CCDC82: variants seen among roughly 807,000 people sequenced by gnomAD.
CCDC82 encodes the protein coiled-coil domain-containing protein 82.
CCDC82 carries 47 observed loss-of-function variants against 60.6 expected under a neutral mutation model. That is an observed-to-expected ratio of 0.77 (90% CI 0.61 to 0.99). The LOEUF is 0.99. Ranked by LOEUF, CCDC82 falls within the 50% of genes least tolerant of loss-of-function variation. The pLI is 0.00. For missense variants in CCDC82, 588 were observed against 633.0 expected (o/e 0.93, Z 0.76); for synonymous variants, 212 against 207.4 (o/e 1.02, Z -0.19).
intron 6 of CCDC82, 49 bp downstream of exon 6, chr11:96,373,326 T>G: frequency 1.6e-6 from 2 of 1,215,752 alleles, no homozygotes; most frequent in Non-Finnish European, 2.4e-6. Flanking sequence ...TGTTTTAAAA[T>G]TGGAAAAAGA....
At chr11:96,389,476 G>C (rs914965311) in intron 1 of CCDC82, 1 of 152,318 alleles carries the variant, frequency 6.6e-6, no homozygotes, top group Admixed American at 6.5e-5. Flanking sequence ...GCCAAGCTTC[G>C]CGATGACGCG....
chr11:96,380,526 C>T (rs1436135558), intron 5 of CCDC82: 1 of 151,768 alleles, frequency 6.6e-6, no homozygotes, highest in African/African-American at 2.4e-5. Flanking sequence ...ATAGAAAAAC[C>T]TGCACATGAA....
Position 96,358,981 on chromosome 11 carries a change from T to C in CCDC82, c.1566+12A>G, listed in dbSNP as rs776559250. The C allele has an allele frequency of 3.1e-6, 5 of 1,592,932 alleles. No homozygotes were observed. The highest frequency in any genetic ancestry group is 1.8e-5 in the Admixed American group (1 of 55,160). ...GAATCTACATGATAAGATTCTCATA[T>C]ATTCACCTTACCTCCTTAATCCAGC... On this transcript the variant is annotated intron_variant, in intron 9 of 9. Transcript: ENST00000646818.
intron 7 of CCDC82, among the ~76,000 whole-genome samples, chr11:96,366,569 T>C (rs983928137): frequency 6.6e-6 from 1 of 152,140 alleles, no homozygotes; most frequent in South Asian, 2.1e-4. Context: ...TCTGAGACAG[T>C]TTCCTCATCT....
rs188720275 is a variant in CCDC82, at chr11:96,360,244, C to T, written c.1381-1066G>A. ...CTGAGATGGAGTTTCGCTTTTTCAC[C>T]CAGGCTGGAGTGCAGTGGTGCAAGC... On this transcript the variant is annotated intron_variant, in intron 8 of 9. Coordinates refer to ENST00000646818, the MANE Select transcript of CCDC82 (RefSeq NM_024725.4). 2.6e-3 allele frequency among the ~76,000 whole-genome samples: 388 copies of T among 147,868 alleles called. 1 individual carries two copies. Among genetic ancestry groups the T allele is most frequent in the Middle Eastern group, 7.2e-3 (2 of 276 alleles).
intron 5 of CCDC82, among the ~76,000 whole-genome samples, chr11:96,374,597 A>G (rs1398905840): frequency 6.6e-6 from 1 of 152,190 alleles, no homozygotes; most frequent in Non-Finnish European, 1.5e-5. Flanking sequence ...AATGAATATA[A>G]TATTTTCTTA....
intron 9 of CCDC82, chr11:96,357,254 G>A: frequency 1.0e-6 from 1 of 985,304 alleles, no homozygotes; most frequent in Non-Finnish European, 1.2e-6. Flanking sequence ...GAAATCTTTT[G>A]AGAAAACCTA....
At chr11:96,357,866 G>C in intron 9 of CCDC82, 5 of 985,400 alleles carry the variant, frequency 5.1e-6, no homozygotes, top group Non-Finnish European at 6.0e-6. Context: ...TGGAGTAGGA[G>C]AAGTAGAAGC....
intron 5 of CCDC82, among the ~76,000 whole-genome samples, chr11:96,375,125 G>A (rs1865498234): frequency 6.6e-6 from 1 of 152,152 alleles, no homozygotes; most frequent in African/African-American, 2.4e-5. Context: ...ATGGTATTAA[G>A]AGAAACTGGG....
intron 2 of CCDC82, chr11:96,387,083 C>T (rs1428313079): frequency 6.6e-6 from 1 of 152,218 alleles, no homozygotes; most frequent in African/African-American, 2.4e-5. Context: ...TAGTATATCA[C>T]ATTGTAATAA....
At chr11:96,383,191 A>G in intron 5 of CCDC82, 78 bp downstream of exon 5, 1 of 845,322 alleles carries the variant, frequency 1.2e-6, no homozygotes, top group Non-Finnish European at 2.0e-6. Flanking sequence ...TTAGAACATG[A>G]TATTAAAAGG....
intron 5 of CCDC82, among the ~76,000 whole-genome samples, chr11:96,375,020 C>T (rs2136157084): frequency 6.6e-6 from 1 of 151,960 alleles, no homozygotes; most frequent in East Asian, 1.9e-4. Context: ...TAGAATTTGA[C>T]TAGACTGTTA....
intron 5 of CCDC82, among the ~76,000 whole-genome samples, chr11:96,375,200 A>ATACAAATTGCATAGAATATTTCATCC (rs1865502686): frequency 6.6e-6 from 1 of 152,192 alleles, no homozygotes; most frequent in Admixed American, 6.5e-5. Flanking sequence ...TTTAACTATC[A>ATACAAATTGCATAGAATATTTCATCC]TACAAATTGC....
At chr11:96,358,967 A>G (rs1392794809) in intron 9 of CCDC82, 26 bp downstream of exon 9, 4 of 1,551,542 alleles carry the variant, frequency 2.6e-6, no homozygotes, top group Non-Finnish European at 2.6e-6. Context: ...AATCTACATG[A>G]TAAGATTCTC....
rs12417855 is a variant in CCDC82, at chr11:96,360,977, A to G, written c.1381-1799T>C. On this transcript the variant is annotated intron_variant, in intron 8 of 9. Coordinates refer to ENST00000646818, the MANE Select transcript of CCDC82 (RefSeq NM_024725.4). ...AAACCTTCCTGCTTTTCAGATCATT[A>G]GAAGTAAACAGGTATTATTGTACAT... Among the ~76,000 whole-genome samples the G allele has an allele frequency of 8.7e-3, 1,327 of 152,356 alleles. 18 individuals are homozygous for G. The highest frequency in any genetic ancestry group is 0.034 in the Admixed American group (521 of 15,298).
At chr11:96,381,690 T>C (rs1327006591) in intron 5 of CCDC82, 2 of 151,816 alleles carry the variant, frequency 1.3e-5, no homozygotes, top group Non-Finnish European at 3.0e-5. Context: ...CTATCTCTGA[T>C]AGGTTTCACT....
At position 96,359,141 on chromosome 11, in the gene CCDC82, C is replaced by G. The variant is rs749998983; in HGVS notation, c.1418G>C (p.Arg473Thr). ...TVGRICASRT[R>T]IYHKLKHFKF... ...AAAATGTTTCAGTTTATGATAAATTCTGGTACGGCTGGCACAAATTCTGCC... is the reference window on the plus strand; with the variant it reads ...AAAATGTTTCAGTTTATGATAAATTGTGGTACGGCTGGCACAAATTCTGCC... Residue 473 changes from arginine (R) to threonine (T), a missense_variant, in exon 9 of 10, where the codon AGA becomes ACA. Arg to Thr is a moderately conservative substitution (Grantham distance 71, BLOSUM62 -1). Coordinates refer to ENST00000646818, the MANE Select transcript of CCDC82 (RefSeq NM_024725.4). The G allele has an allele frequency of 3.8e-6, 6 of 1,586,700 alleles. No homozygotes were observed. The highest frequency in any genetic ancestry group is 5.1e-6 in the Non-Finnish European group (6 of 1,172,244).
At chr11:96,363,485 T>C (rs916141786) in intron 8 of CCDC82, 20 of 152,224 alleles carry the variant, frequency 1.3e-4, no homozygotes, top group African/African-American at 4.6e-4. Flanking sequence ...CATATAGTTA[T>C]ATACGCATAC....
intron 3 of CCDC82, chr11:96,385,648 T>C (rs1044229890): frequency 5.3e-5 from 8 of 152,082 alleles, no homozygotes; most frequent in Non-Finnish European, 8.8e-5. Context: ...AATCCAATAA[T>C]GTAGTTAAGT....
Sources: gnomAD v4.1 joint callset for allele counts (sites outside exome capture counted in the v4.1 genomes callset) on GRCh38, gnomAD v4.1.1 for gene constraint, MANE v1.5 for transcripts, NCBI Gene and HGNC (gene_info 2026-07-23, HGNC 2026-07-21) for gene names.